The following PLET1 variants were observed in gnomAD, a reference collection of about 807,000 sequenced individuals.
PLET1 encodes the protein placenta-expressed transcript 1 protein.
PLET1 carries 20 observed loss-of-function variants against 18.5 expected under a neutral mutation model. The observed-to-expected ratio is 1.08, with a 90% confidence interval of 0.76 to 1.57. The LOEUF (loss-of-function observed/expected upper bound fraction) is 1.57, where lower values mean the gene tolerates loss of function less well. PLET1 is among the 40% of genes most tolerant of loss of function. The pLI is 0.00. For synonymous variants in PLET1, 93 were observed against 93.8 expected, an observed-to-expected ratio of 0.99 and a Z score of 0.05; for missense variants, 256 against 246.4, an observed-to-expected ratio of 1.04 and a Z score of -0.26.
At chr11:112,259,627 T>A (rs1170020124) in intron 1 of PLET1, among the ~76,000 whole-genome samples, 1 of 152,220 alleles carries the variant, frequency 6.6e-6, no homozygotes, top group Non-Finnish European at 1.5e-5. Flanking sequence ...TTTTCATACA[T>A]AAAGTGGGTT....
At position 112,255,467 on chromosome 11, in the gene PLET1, C is replaced by T. The variant is rs370428370; in HGVS notation, c.307G>A (p.Val103Met). 9.0e-6 allele frequency: 14 copies of T among 1,552,096 alleles called. No individual in the cohort carries two copies. In the African/African-American group the frequency reaches 1.1e-4, roughly 12 times the overall value. ...AAGACCGTCATGTATTGATCTTTCA[C>T]GTAATACGTGGAGTTGCTGTAGCAA... ...KNCYSNSTYY[V>M]KDQYMTVLEA... Residue 103 changes from valine to methionine, a missense_variant, in exon 2 of 4, where the codon GTG becomes ATG. Transcript: ENST00000338832.
At position 112,255,527 on chromosome 11, in the gene PLET1, C is replaced by T; in HGVS notation, c.247G>A (p.Asp83Asn). Reference sequence around the variant, plus strand: ...GCTCTTTGCCAGAGGCCCGCTGAGTCACTGTTCTCGTCCAAGGTTTTCATG... The same window carrying T: ...GCTCTTTGCCAGAGGCCCGCTGAGTTACTGTTCTCGTCCAAGGTTTTCATG... ...VVMKTLDENS[D>N]SAGLWQRADK... is the part of the protein sequence containing the mutation. Residue 83 changes from aspartate (D) to asparagine (N), a missense_variant, in exon 2 of 4, where the codon GAC (aspartate) becomes AAC (asparagine). Asp to Asn is a conservative substitution (Grantham distance 23). Transcript: ENST00000338832. 6.4e-7 allele frequency: 1 copy of T among 1,551,632 alleles called. No individual in the cohort carries two copies. The highest frequency in any genetic ancestry group is 8.7e-7 in the Non-Finnish European group (1 of 1,146,868).
chr11:112,250,712 T>G (rs547918762), intron 3 of PLET1, among the ~76,000 whole-genome samples: 3 of 152,128 alleles, frequency 2.0e-5, no homozygotes, highest in African/African-American at 7.2e-5. Context: ...GTAAACTATC[T>G]CTTTTCACTA....
At chr11:112,254,340 GGT>G (rs113302549) in intron 2 of PLET1, among the ~76,000 whole-genome samples, 5 of 147,282 alleles carry the variant, frequency 3.4e-5, no homozygotes, top group African/African-American at 1.3e-4. Flanking sequence ...GGTGGTGTGT[GGT>G]GTGTGTGTGG....
chr11:112,250,644 A>G (rs1860146322), intron 3 of PLET1, among the ~76,000 whole-genome samples: 1 of 152,288 alleles, frequency 6.6e-6, no homozygotes, highest in Non-Finnish European at 1.5e-5. Flanking sequence ...ACTTAAAGAC[A>G]GTGTGTTCCT....
At chr11:112,249,036 G>C in intron 3 of PLET1, 62 bp from the exon 4 acceptor site, 1 of 1,454,574 alleles carries the variant, frequency 6.9e-7, no homozygotes, top group South Asian at 1.3e-5. Context: ...TCCGTTGGGT[G>C]GTGGGTGGGC....
Position 112,255,573 on chromosome 11 carries a change from A to C in PLET1, c.201T>G (p.Asn67Lys). Residue 67 changes from asparagine (N) to lysine (K), a missense_variant, in exon 2 of 4, where the codon AAT (asparagine) becomes AAG (lysine). Coordinates refer to ENST00000338832, the MANE Select transcript of PLET1 (RefSeq NM_001145024.1). ...NAVYSVFVPV[N>K]DSVYAVVMKT... ...TCATGACCACAGCATAGACGCTGTCATTCACGGGAACAAATACTGGGAGGA... is the reference window on the plus strand; with the variant it reads ...TCATGACCACAGCATAGACGCTGTCCTTCACGGGAACAAATACTGGGAGGA... 6.4e-7 allele frequency: 1 copy of C among 1,551,138 alleles called. No individual in the cohort carries two copies. The highest frequency in any genetic ancestry group is 8.7e-7 in the Non-Finnish European group (1 of 1,146,768).
At chr11:112,257,739 G>T (rs113379730) in intron 1 of PLET1, among the ~76,000 whole-genome samples, 127 of 152,286 alleles carry the variant, frequency 8.3e-4, no homozygotes, top group African/African-American at 2.9e-3. Flanking sequence ...TTGAGCTGCA[G>T]TTGTTTCTTG....
At chr11:112,255,139 A>G (rs1244520495) in intron 2 of PLET1, among the ~76,000 whole-genome samples, 3 of 107,522 alleles carry the variant, frequency 2.8e-5, no homozygotes, top group African/African-American at 1.1e-4. Context: ...TGTGGGGTGC[A>G]TGTGTGTGTG....
chr11:112,255,680 A>C lies in PLET1; in HGVS notation c.185-91T>G, dbSNP rs563353175. 1.4e-4 allele frequency: 157 copies of C among 1,157,270 alleles called. No homozygotes were observed. In the African/African-American group the frequency reaches 2.1e-3, roughly 15 times the overall value. 71.7% of individuals were successfully genotyped at this position (1,157,270 alleles called of 1,614,324 possible). A position where few individuals can be genotyped will look rare whatever the true frequency, so the allele number is the denominator to read the frequency against. On this transcript the variant is annotated intron_variant, in intron 1 of 3. Transcript: ENST00000338832. ...GGCAGTGAAATCAAAACAAAGCGTG[A>C]AACAAGAAAGTTACAAAGAATATGC...
At chr11:112,260,263 T>C in intron 1 of PLET1, 143 bp downstream of exon 1, 1 of 879,348 alleles carries the variant, frequency 1.1e-6, no homozygotes, top group Non-Finnish European at 1.7e-6. Context: ...TCTCATTCTT[T>C]GTCTTCCTTC....
chr11:112,252,905 A>G (rs1326342039), intron 2 of PLET1, among the ~76,000 whole-genome samples: 1 of 152,132 alleles, frequency 6.6e-6, no homozygotes, highest in Non-Finnish European at 1.5e-5. Flanking sequence ...TTATGTTTGC[A>G]CTGGTACCGC....
In PLET1 at chr11:112,255,474, C is replaced by T. The variant is rs375173445; in HGVS notation, c.300G>A (p.Thr100=). Residue 100 remains threonine, a synonymous_variant, in exon 2 of 4, where the codon ACG becomes ACA. Coordinates refer to ENST00000338832, the MANE Select transcript of PLET1 (RefSeq NM_001145024.1). ...RADKNCYSNS[T]YYVKDQYMTV... is the part of the protein sequence containing the mutation. ...TCATGTATTGATCTTTCACGTAATACGTGGAGTTGCTGTAGCAATTTTTAT... is the reference window on the plus strand; with the variant it reads ...TCATGTATTGATCTTTCACGTAATATGTGGAGTTGCTGTAGCAATTTTTAT... The T allele has an allele frequency of 1.7e-5, 26 of 1,552,086 alleles. No individual in the cohort carries two copies. The African/African-American group carries it at 2.6e-4, about 16-fold the overall frequency.
At chr11:112,252,495 G>A (rs1419713226) in intron 2 of PLET1, 86 bp from the exon 3 acceptor site, 8 of 1,159,724 alleles carry the variant, frequency 6.9e-6, no homozygotes, top group African/African-American at 4.6e-5. Context: ...CTTCCCCGCC[G>A]CTTAATTCCT....
At chr11:112,249,548 G>A (rs1860133565) in intron 3 of PLET1, among the ~76,000 whole-genome samples, 1 of 152,158 alleles carries the variant, frequency 6.6e-6, no homozygotes, top group Non-Finnish European at 1.5e-5. Context: ...TTGGTTCTCT[G>A]AGGTTAACTT....
At chr11:112,253,525 G>A (rs1459891653) in intron 2 of PLET1, among the ~76,000 whole-genome samples, 2 of 152,128 alleles carry the variant, frequency 1.3e-5, no homozygotes, top group South Asian at 2.1e-4. Context: ...GGATTGGGCC[G>A]TTTGTCTTGC....
intron 2 of PLET1, among the ~76,000 whole-genome samples, chr11:112,253,452 G>A (rs1284901243): frequency 6.6e-6 from 1 of 152,122 alleles, no homozygotes. Context: ...AAACAAGCAG[G>A]GAGGCCAGCG....
At chr11:112,254,741 GTGCT>G (rs1860198508) in intron 2 of PLET1, among the ~76,000 whole-genome samples, 3 of 134,940 alleles carry the variant, frequency 2.2e-5, no homozygotes, top group Non-Finnish European at 3.1e-5. Flanking sequence ...TGGTGTGTGT[GTGCT>G]GTGTGTGTGG....
At position 112,248,446 on chromosome 11, in the gene PLET1, C is replaced by T. The variant is rs1336016610; in HGVS notation, c.*353G>A. 2 of 403,588 alleles carry T rather than the reference C, an allele frequency of 5.0e-6. No homozygotes were observed. The highest frequency in any genetic ancestry group is 8.6e-5 in the Admixed American group (2 of 23,304). 25.0% of individuals were successfully genotyped at this position (403,588 alleles called of 1,614,324 possible). ...AGGAAGGATTCTTCCCACAGAAACT[C>T]AGAGGTTGCAGGGGAATCATTTGGC... On this transcript the variant is annotated 3_prime_UTR_variant, in exon 4 of 4. Coordinates refer to ENST00000338832, the MANE Select transcript of PLET1 (RefSeq NM_001145024.1).
Sources: allele counts gnomAD v4.1 joint callset (sites outside exome capture counted in the v4.1 genomes callset), GRCh38; gene constraint gnomAD v4.1.1; transcripts MANE v1.5; gene names NCBI Gene and HGNC (gene_info 2026-07-23, HGNC 2026-07-21).